NCOA2: variants seen among roughly 807,000 people sequenced by gnomAD.
NCOA2 encodes the protein nuclear receptor coactivator 2, also known as class E basic helix-loop-helix protein 75.
A neutral mutation model predicts 145.1 loss-of-function variants in NCOA2; 21 were observed. The observed-to-expected ratio is 0.14, with a 90% CI of 0.10 to 0.21. The LOEUF (loss-of-function observed/expected upper bound fraction) is 0.21. Ranked by LOEUF, NCOA2 falls within the 10% of genes least tolerant of loss-of-function variation. NCOA2 has a pLI of 1.00. For missense variants in NCOA2, 1,472 were observed against 1,837.6 expected (o/e 0.80, Z 3.64); for synonymous variants, 619 against 637.5 (o/e 0.97, Z 0.44).
At chr8:70,330,181 T>A (rs1806960217) in intron 1 of NCOA2, among the ~76,000 whole-genome samples, 2 of 150,890 alleles carry the variant, frequency 1.3e-5, no homozygotes, top group African/African-American at 4.9e-5. Context: ...ATGAAGATTA[T>A]AAAACACTCA....
chr8:70,156,547 A>G lies in NCOA2; in HGVS notation c.1818T>C (p.Pro606=), dbSNP rs748850084. Residue 606 remains proline (P), a synonymous_variant, in exon 11 of 23, where the codon CCT becomes CCC. Coordinates refer to ENST00000452400, the MANE Select transcript of NCOA2 (RefSeq NM_006540.4). The part of the protein sequence containing the change: ...TTGQAESSCH[P]GEQKETNDPN... ...GGTCATTTGTTTCCTTTTGCTCTCC[A>G]GGATGGCAGCTGCTCTCTGCTTGTC... 2 of 1,613,938 alleles carry G rather than the reference A, an allele frequency of 1.2e-6. No homozygotes were observed. Among genetic ancestry groups the G allele is most frequent in the Non-Finnish European group, 1.7e-6 (2 of 1,179,878 alleles).
intron 1 of NCOA2, among the ~76,000 whole-genome samples, chr8:70,380,397 T>A (rs1290041863): frequency 1.2e-4 from 18 of 151,754 alleles, no homozygotes; most frequent in Admixed American, 1.2e-3. Flanking sequence ...ACTCACTCAC[T>A]CACACACACA....
intron 1 of NCOA2, among the ~76,000 whole-genome samples, chr8:70,378,641 A>T (rs900776480): frequency 6.6e-6 from 1 of 151,656 alleles, no homozygotes; most frequent in Non-Finnish European, 1.5e-5. Context: ...CTGAAGCTCA[A>T]TGTATTTGAA....
At chr8:70,342,814 C>T (rs1046393101) in intron 1 of NCOA2, among the ~76,000 whole-genome samples, 5 of 145,308 alleles carry the variant, frequency 3.4e-5, no homozygotes, top group African/African-American at 1.3e-4. Context: ...CACACACACA[C>T]ACACACATCC....
intron 2 of NCOA2, among the ~76,000 whole-genome samples, chr8:70,258,923 G>C (rs1035374685): frequency 6.6e-6 from 1 of 152,130 alleles, no homozygotes; most frequent in Non-Finnish European, 1.5e-5. Flanking sequence ...CAGTGACCTG[G>C]CATTCAGGGG....
intron 15 of NCOA2, 43 bp from the exon 16 acceptor site, chr8:70,132,045 G>T: frequency 6.4e-7 from 1 of 1,569,552 alleles, no homozygotes; most frequent in Non-Finnish European, 8.6e-7. Context: ...GGAAAAGCTA[G>T]TTGATTAGAG....
At chr8:70,354,809 T>C (rs561486120) in intron 1 of NCOA2, among the ~76,000 whole-genome samples, 1 of 152,292 alleles carries the variant, frequency 6.6e-6, no homozygotes, top group East Asian at 1.9e-4. Flanking sequence ...ATGGCAGAAC[T>C]TCACTTAAGC....
intron 2 of NCOA2, among the ~76,000 whole-genome samples, chr8:70,230,987 G>A (rs1292636256): frequency 6.6e-6 from 1 of 151,998 alleles, no homozygotes; most frequent in African/African-American, 2.4e-5. Context: ...TTAACCATTT[G>A]TTTCCATTTT....
chr8:70,146,701 GT>G (rs887265398), intron 12 of NCOA2, among the ~76,000 whole-genome samples: 175 of 146,256 alleles, frequency 1.2e-3, no homozygotes, highest in African/African-American at 3.3e-3. Context: ...TAGTGTGTCT[GT>G]TTTTTTTTTT....
chr8:70,179,984 T>C (rs892383588), intron 4 of NCOA2, among the ~76,000 whole-genome samples: 1 of 152,224 alleles, frequency 6.6e-6, no homozygotes, highest in African/African-American at 2.4e-5. Flanking sequence ...TTTCACTCTG[T>C]TGCCCAGGCT....
intron 2 of NCOA2, among the ~76,000 whole-genome samples, chr8:70,238,163 C>T (rs186550318): frequency 6.5e-4 from 99 of 151,682 alleles, no homozygotes; most frequent in Non-Finnish European, 1.1e-3. Context: ...CGCGCGCGCG[C>T]GTGTGTGTGT....
intron 2 of NCOA2, among the ~76,000 whole-genome samples, chr8:70,275,066 A>C (rs987337969): frequency 2.6e-5 from 4 of 152,250 alleles, no homozygotes; most frequent in Admixed American, 2.6e-4. Context: ...ATCAAAAGGC[A>C]TCTTTACCCA....
In NCOA2 at chr8:70,261,002, T is replaced by C. The variant is rs564243757; in HGVS notation, c.-20+35742A>G. 1.3e-4 allele frequency among the ~76,000 whole-genome samples: 20 copies of C among 152,336 alleles called. No individual in the cohort carries two copies. In the South Asian group the frequency reaches 2.9e-3, roughly 22 times the overall value. ...AATAGGAACACTTTCACACTGTTGCTGGGACTGTAAACTAGTTCAACCATT... is the reference window on the plus strand; with the variant it reads ...AATAGGAACACTTTCACACTGTTGCCGGGACTGTAAACTAGTTCAACCATT... On this transcript the variant is annotated intron_variant, in intron 2 of 22. Transcript: ENST00000452400.
At chr8:70,233,098 G>A (rs893109875) in intron 2 of NCOA2, among the ~76,000 whole-genome samples, 11 of 28,858 alleles carry the variant, frequency 3.8e-4, no homozygotes, top group African/African-American at 1.1e-3. Flanking sequence ...GGTGGTGTCC[G>A]CCTGTACTCC....
intron 2 of NCOA2, among the ~76,000 whole-genome samples, chr8:70,247,370 T>C (rs1822719159): frequency 6.6e-6 from 1 of 151,760 alleles, no homozygotes; most frequent in Non-Finnish European, 1.5e-5. Context: ...CAATTCAGAA[T>C]TTTTAAGATA....
chr8:70,287,697 C>T (rs915574476), intron 2 of NCOA2, among the ~76,000 whole-genome samples: 12 of 152,170 alleles, frequency 7.9e-5, no homozygotes, highest in Non-Finnish European at 1.5e-4. Flanking sequence ...ACCTGCATTT[C>T]CTTTGTTAAT....
intron 1 of NCOA2, among the ~76,000 whole-genome samples, chr8:70,340,321 C>T (rs980556410): frequency 2.0e-5 from 3 of 152,066 alleles, no homozygotes; most frequent in Admixed American, 6.6e-5. Context: ...ATACATGCAG[C>T]CAACAAACAT....
At chr8:70,228,716 C>T (rs1279519172) in intron 2 of NCOA2, among the ~76,000 whole-genome samples, 1 of 152,126 alleles carries the variant, frequency 6.6e-6, no homozygotes, top group Non-Finnish European at 1.5e-5. Context: ...AAGATTGCTG[C>T]ACCCTATTTA....
intron 2 of NCOA2, among the ~76,000 whole-genome samples, chr8:70,290,641 GC>G (rs1826601637): frequency 6.6e-6 from 1 of 151,954 alleles, no homozygotes; most frequent in African/African-American, 2.4e-5. Flanking sequence ...TCTCAAGCTA[GC>G]AATACAAGTC....
Sources: gnomAD v4.1 joint callset for allele counts (sites outside exome capture counted in the v4.1 genomes callset) on GRCh38, gnomAD v4.1.1 for gene constraint, MANE v1.5 for transcripts, NCBI Gene and HGNC (gene_info 2026-07-23, HGNC 2026-07-21) for gene names.